MTUS2: variants seen among roughly 807,000 people sequenced by gnomAD.
The protein encoded by MTUS2 is microtubule-associated tumor suppressor candidate 2.
In MTUS2, 40 loss-of-function variants were observed where a neutral mutation model predicts 114.1. The observed-to-expected ratio is 0.35, with a 90% CI of 0.27 to 0.46. MTUS2 has a LOEUF of 0.46. MTUS2 is among the 20% of genes least tolerant of loss of function. MTUS2 has a pLI of 1.00. For synonymous variants in MTUS2, 688 were observed against 672.0 expected (o/e 1.02, Z -0.37); for missense variants, 1,679 against 1,705.4 (o/e 0.98, Z 0.27).
At chr13:28,996,479 G>T (rs1445625671) in intron 2 of MTUS2, among the ~76,000 whole-genome samples, 1 of 152,174 alleles carries the variant, frequency 6.6e-6, no homozygotes, top group East Asian at 1.9e-4. Context: ...AATGGTAGCA[G>T]CTCCTCCTTG....
chr13:28,906,943 A>G (rs551605752), intron 2 of MTUS2, among the ~76,000 whole-genome samples: 9 of 151,590 alleles, frequency 5.9e-5, no homozygotes, highest in Non-Finnish European at 1.3e-4. Flanking sequence ...TCCAAGACAC[A>G]TAATTGTCAG....
chr13:29,494,256 TAAC>T (rs1262212344), intron 12 of MTUS2, among the ~76,000 whole-genome samples: 6 of 152,364 alleles, frequency 3.9e-5, no homozygotes, highest in African/African-American at 1.4e-4. Context: ...ATTGTAATAA[TAAC>T]AAGCATTGTT....
chr13:29,299,988 CTAA>C (rs1000913953), intron 6 of MTUS2, among the ~76,000 whole-genome samples: 6 of 152,036 alleles, frequency 3.9e-5, no homozygotes, highest in Non-Finnish European at 8.8e-5. Flanking sequence ...TTTTAAAACC[CTAA>C]TAACCTCATC....
chr13:29,401,140 G>A (rs534200357), intron 8 of MTUS2, among the ~76,000 whole-genome samples: 4 of 152,018 alleles, frequency 2.6e-5, no homozygotes, highest in South Asian at 2.1e-4. Context: ...GGCACACACC[G>A]CCGTGACTGG....
chr13:29,060,543 C>CTTTTTTTTTTTTTTTTTT (rs1162860492), intron 4 of MTUS2, among the ~76,000 whole-genome samples: 4 of 101,210 alleles, frequency 4.0e-5, no homozygotes, highest in African/African-American at 7.5e-5. Flanking sequence ...CCTAGCCCTT[C>CTTTTTTTTTTTTTTTTTT]TTTTTTTTTT....
At chr13:29,383,967 CT>C (rs1872455114) in intron 8 of MTUS2, among the ~76,000 whole-genome samples, 1 of 152,176 alleles carries the variant, frequency 6.6e-6, no homozygotes, top group East Asian at 1.9e-4. Flanking sequence ...GGGACAGCCA[CT>C]TTGGGGCCAT....
chr13:29,075,469 C>T (rs866078130), intron 4 of MTUS2, among the ~76,000 whole-genome samples: 2 of 152,336 alleles, frequency 1.3e-5, no homozygotes, highest in Admixed American at 1.3e-4. Flanking sequence ...GATCTCCTTT[C>T]AGTTAGTATT....
intron 2 of MTUS2, among the ~76,000 whole-genome samples, chr13:28,952,168 T>G (rs1460700411): frequency 1.3e-5 from 2 of 152,240 alleles, no homozygotes; most frequent in Non-Finnish European, 2.9e-5. Context: ...ATATATTTGC[T>G]TTACTAAGTG....
At chr13:28,823,015 TGAGCTG>T (rs1391873332) in intron 1 of MTUS2, among the ~76,000 whole-genome samples, 1 of 152,172 alleles carries the variant, frequency 6.6e-6, no homozygotes, top group African/African-American at 2.4e-5. Context: ...GATCAGTGTG[TGAGCTG>T]GAGGTGGAGA....
chr13:28,889,143 T>C lies in MTUS2; in HGVS notation c.-243+49293T>C, dbSNP rs144145987. On this transcript the variant is annotated intron_variant, in intron 2 of 15. Coordinates refer to ENST00000612955, the MANE Select transcript of MTUS2 (RefSeq NM_001033602.4). The stretch of plus-strand genomic sequence containing the variant: ...GATGATGGTGGTGACAGGTTCATTG[T>C]TCATTTGTTCTCAGCTGTTCCCTGG... Among the ~76,000 whole-genome samples, 1,383 of 152,326 alleles carry C rather than the reference T, an allele frequency of 9.1e-3. 13 individuals carry two copies. Among genetic ancestry groups the C allele is most frequent in the South Asian group, 0.015 (71 of 4,822 alleles).
intron 2 of MTUS2, among the ~76,000 whole-genome samples, chr13:28,898,808 T>C (rs1268375525): frequency 6.6e-6 from 1 of 152,232 alleles, no homozygotes; most frequent in Non-Finnish European, 1.5e-5. Flanking sequence ...GCTGCGAATT[T>C]TTGGCATTTA....
chr13:29,105,161 A>C (rs1164395807), intron 5 of MTUS2, among the ~76,000 whole-genome samples: 1 of 152,196 alleles, frequency 6.6e-6, no homozygotes, highest in African/African-American at 2.4e-5. Context: ...AGATCTGAAA[A>C]ATTCCAAAGT....
intron 2 of MTUS2, among the ~76,000 whole-genome samples, chr13:28,915,878 T>C (rs751637329): frequency 6.6e-6 from 1 of 151,986 alleles, no homozygotes; most frequent in Non-Finnish European, 1.5e-5. Context: ...CCCAGGCCAA[T>C]GTCCTGGAGC....
intron 7 of MTUS2, among the ~76,000 whole-genome samples, chr13:29,325,718 T>G (rs978867253): frequency 6.6e-6 from 1 of 152,208 alleles, no homozygotes; most frequent in Non-Finnish European, 1.5e-5. Context: ...GAGCTCTAAC[T>G]GCATGCCAGG....
intron 3 of MTUS2, among the ~76,000 whole-genome samples, chr13:29,033,281 A>T (rs1886910152): frequency 6.6e-6 from 1 of 152,210 alleles, no homozygotes; most frequent in African/African-American, 2.4e-5. Context: ...CGACCAGAGG[A>T]GATAACTCAG....
intron 2 of MTUS2, among the ~76,000 whole-genome samples, chr13:28,930,578 G>A (rs1224659806): frequency 2.7e-5 from 4 of 150,428 alleles, no homozygotes; most frequent in Non-Finnish European, 5.9e-5. Context: ...ATAGGGCAGT[G>A]GTTAGCATTT....
At chr13:28,945,081 T>C (rs1882447963) in intron 2 of MTUS2, among the ~76,000 whole-genome samples, 1 of 152,184 alleles carries the variant, frequency 6.6e-6, no homozygotes, top group Admixed American at 6.5e-5. Flanking sequence ...TATTTGACTT[T>C]ATGTTTCTGA....
intron 2 of MTUS2, among the ~76,000 whole-genome samples, chr13:28,964,739 C>CTTTTTTTTTTTTTTTTTTTTTTTT (rs771989715): frequency 1.3e-4 from 19 of 147,034 alleles, no homozygotes; most frequent in Non-Finnish European, 2.6e-4. Flanking sequence ...GTACAAGAAG[C>CTTTTTTTTTTTTTTTTTTTTTTTT]TTTTTTGTGT....
chr13:28,933,536 G>A (rs1413796246), intron 2 of MTUS2, among the ~76,000 whole-genome samples: 2 of 152,148 alleles, frequency 1.3e-5, no homozygotes, highest in Admixed American at 6.5e-5. Flanking sequence ...GTGTTTGGGC[G>A]CTATAACCTA....
Sources: allele counts gnomAD v4.1 joint callset (sites outside exome capture counted in the v4.1 genomes callset), GRCh38; gene constraint gnomAD v4.1.1; transcripts MANE v1.5; gene names NCBI Gene and HGNC (gene_info 2026-07-23, HGNC 2026-07-21).